Variants in BTRC observed in about 807,000 individuals in gnomAD.
The protein encoded by BTRC is beta-transducin repeat containing E3 ubiquitin protein ligase.
BTRC carries 42 observed loss-of-function variants against 85.5 expected under a neutral mutation model. The ratio of observed to expected loss-of-function variants is 0.49; its 90% CI spans 0.38 to 0.64. The LOEUF is 0.64. Among genes scored for constraint, BTRC ranks in the 30% least tolerant of loss-of-function variants. The pLI, the probability that BTRC is intolerant of heterozygous loss-of-function variation, is 0.00. For missense variants in BTRC, 594 were observed against 743.5 expected, an observed-to-expected ratio of 0.80 and a Z score of 2.34; for synonymous variants, 255 against 263.3, an observed-to-expected ratio of 0.97 and a Z score of 0.30.
At chr10:101,361,752 A>G (rs1942213443) in intron 1 of BTRC, among the ~76,000 whole-genome samples, 1 of 152,206 alleles carries the variant, frequency 6.6e-6, no homozygotes, top group African/African-American at 2.4e-5. Context: ...ATAACATTGT[A>G]CAGAAGACTC....
Position 101,358,525 on chromosome 10 carries a change from TAAATG to T in BTRC, c.48+4301_48+4305del, listed in dbSNP as rs543592551. ...TTGTTTTATTTATAGAGCTGATAGA[TAAATG>T]AAACAGTATAAAGGGTAAATATTTG... On this transcript the variant is annotated intron_variant, in intron 1 of 14. Coordinates refer to ENST00000370187, the MANE Select transcript of BTRC (RefSeq NM_033637.4). 3.6e-4 allele frequency among the ~76,000 whole-genome samples: 55 copies of T among 152,336 alleles called. 1 individual carries two copies. Among genetic ancestry groups the T allele is most frequent in the Admixed American group, 1.2e-3 (19 of 15,298 alleles).
chr10:101,492,533 T>C (rs1946159651), intron 4 of BTRC, among the ~76,000 whole-genome samples: 1 of 152,208 alleles, frequency 6.6e-6, no homozygotes, highest in Non-Finnish European at 1.5e-5. Flanking sequence ...TCTGACATTT[T>C]AATTACGGAA....
chr10:101,461,989 A>T lies in BTRC; in HGVS notation c.165A>T (p.Ser55=). The T allele has an allele frequency of 6.2e-7, 1 of 1,609,474 alleles. No individual in the cohort carries two copies. The highest frequency in any genetic ancestry group is 1.3e-5 in the African/African-American group (1 of 74,924). Reference sequence around the variant, plus strand: ...CTTACTTTCTTTCACAGAATTCCTCAGAGAGAGAAGACTGTAATAATGGCG... The same window carrying T: ...CTTACTTTCTTTCACAGAATTCCTCTGAGAGAGAAGACTGTAATAATGGCG... ...TGALTAFQNS[S]EREDCNNGEP... is the part of the protein sequence containing the mutation. Residue 55 remains serine (S), a synonymous_variant, in exon 3 of 15, where the codon TCA becomes TCT. Coordinates refer to ENST00000370187, the MANE Select transcript of BTRC (RefSeq NM_033637.4).
At chr10:101,538,409 G>T (rs779904962) in intron 13 of BTRC, 38 bp downstream of exon 13, 8 of 1,546,806 alleles carry the variant, frequency 5.2e-6, no homozygotes, top group Middle Eastern at 1.7e-4. Context: ...TGGAGAGCAG[G>T]TGGGGGAAGA....
At chr10:101,404,780 C>T (rs971268128) in intron 1 of BTRC, among the ~76,000 whole-genome samples, 9 of 151,988 alleles carry the variant, frequency 5.9e-5, no homozygotes, top group Admixed American at 1.3e-4. Flanking sequence ...GGGCGGATCA[C>T]GAGGTCAGGA....
Position 101,398,341 on chromosome 10 carries a change from C to G in BTRC, c.49-32004C>G, listed in dbSNP as rs1225553798. 5.3e-5 allele frequency among the ~76,000 whole-genome samples: 8 copies of G among 152,044 alleles called. No homozygotes were observed. The East Asian group carries it at 7.7e-4, about 15-fold the overall frequency. On this transcript the variant is annotated intron_variant, in intron 1 of 14. Coordinates refer to ENST00000370187, the MANE Select transcript of BTRC (RefSeq NM_033637.4). ...TTTGTTTTTTTGAGACGGACTCTTG[C>G]TCTGTCGCTGGAGTACAGTGGCGCG...
chr10:101,422,429 C>CA lies in BTRC; in HGVS notation c.49-7915dup, dbSNP rs1243917554. On this transcript the variant is annotated intron_variant, in intron 1 of 14. Transcript: ENST00000370187. Reference sequence around the variant, plus strand: ...TCTTCCATTCTGTAGGTTGCCTGTTCACTCTGATGGTAGTTTCTTTTGCTG... The same window carrying CA: ...TCTTCCATTCTGTAGGTTGCCTGTTCAACTCTGATGGTAGTTTCTTTTGCTG... Among the ~76,000 whole-genome samples the CA allele has an allele frequency of 1.6e-4, 24 of 152,264 alleles. 1 individual carries two copies. In the East Asian group the frequency reaches 4.6e-3, roughly 29 times the overall value.
At chr10:101,366,225 A>G (rs971467100) in intron 1 of BTRC, among the ~76,000 whole-genome samples, 2 of 152,152 alleles carry the variant, frequency 1.3e-5, no homozygotes, top group African/African-American at 4.8e-5. Context: ...GTGGGTTGAC[A>G]AAGAGAGGTC....
chr10:101,397,945 C>T (rs909633740), intron 1 of BTRC, among the ~76,000 whole-genome samples: 4 of 152,166 alleles, frequency 2.6e-5, no homozygotes, highest in African/African-American at 7.2e-5. Flanking sequence ...TTTAAAAATG[C>T]CATTATTTCC....
chr10:101,428,385 A>G (rs1944315219), intron 1 of BTRC, among the ~76,000 whole-genome samples: 1 of 152,172 alleles, frequency 6.6e-6, no homozygotes, highest in South Asian at 2.1e-4. Flanking sequence ...GAAGACAATT[A>G]TTTTTCTATT....
chr10:101,392,486 T>A (rs1413889834), intron 1 of BTRC, among the ~76,000 whole-genome samples: 2 of 152,056 alleles, frequency 1.3e-5, no homozygotes, highest in African/African-American at 4.8e-5. Flanking sequence ...AATTGAAAGT[T>A]TTTTGTTGTT....
chr10:101,516,045 C>G (rs2062019534), intron 4 of BTRC, among the ~76,000 whole-genome samples: 1 of 151,778 alleles, frequency 6.6e-6, no homozygotes, highest in East Asian at 1.9e-4. Flanking sequence ...TAGTTGAGTA[C>G]ATTTAAGATT....
intron 2 of BTRC, among the ~76,000 whole-genome samples, chr10:101,434,994 C>G (rs955531376): frequency 1.3e-5 from 2 of 151,764 alleles, no homozygotes; most frequent in African/African-American, 2.4e-5. Flanking sequence ...TGGTTTTACC[C>G]TATCAATTCA....
intron 1 of BTRC, among the ~76,000 whole-genome samples, chr10:101,398,783 A>G (rs1292129793): frequency 1.3e-5 from 2 of 152,162 alleles, no homozygotes; most frequent in Non-Finnish European, 2.9e-5. Context: ...AATATTGACC[A>G]TAGGAACAGT....
At chr10:101,544,967 C>A (rs998492174) in intron 13 of BTRC, among the ~76,000 whole-genome samples, 1 of 151,142 alleles carries the variant, frequency 6.6e-6, no homozygotes, top group African/African-American at 2.4e-5. Context: ...GTGTGAGGAT[C>A]ATATGAGTCC....
chr10:101,446,101 TC>T (rs554853772), intron 2 of BTRC, among the ~76,000 whole-genome samples: 3 of 131,646 alleles, frequency 2.3e-5, no homozygotes, highest in Admixed American at 1.6e-4. Context: ...TTTGTTCTCT[TC>T]CCCCCCCACC....
intron 13 of BTRC, among the ~76,000 whole-genome samples, chr10:101,542,423 A>AT (rs1490738595): frequency 2.0e-5 from 3 of 152,198 alleles, no homozygotes; most frequent in Admixed American, 1.3e-4. Context: ...AAAAATGTCA[A>AT]TTAAGTCAAG....
intron 4 of BTRC, among the ~76,000 whole-genome samples, chr10:101,483,189 T>G (rs180831657): frequency 2.7e-4 from 41 of 152,332 alleles, no homozygotes; most frequent in Admixed American, 1.4e-3. Context: ...GGGTACCAAT[T>G]AGTCCTCTGT....
In BTRC at chr10:101,534,771, G is replaced by A. The variant is rs769215394; in HGVS notation, c.1208G>A (p.Arg403His). 3 of 1,614,122 alleles carry A rather than the reference G, an allele frequency of 1.9e-6. No homozygotes were observed. Among genetic ancestry groups the A allele is most frequent in the Admixed American group, 3.3e-5 (2 of 60,016 alleles). The change falls in exon 10 of 15, where the codon CGT becomes CAT. Residue 403 changes from arginine (R) to histidine (H), a missense_variant. Physicochemically the swap from Arg to His is conservative, Grantham distance 29 (BLOSUM62 0). Around this residue, in one of 4 missense-constraint regions of BTRC, gnomAD observed 373 missense variants for 503.6 expected, o/e 0.74. Transcript: ENST00000370187. Reference sequence around the variant, plus strand: ...ATGATGGTGACCTGCTCCAAAGATCGTTCCATTGCTGTATGGGATATGGCC... The same window carrying A: ...ATGATGGTGACCTGCTCCAAAGATCATTCCATTGCTGTATGGGATATGGCC... The part of the protein sequence containing the change: ...NGMMVTCSKD[R>H]SIAVWDMASP...
Sources: allele counts gnomAD v4.1 joint callset (sites outside exome capture counted in the v4.1 genomes callset), GRCh38; gene constraint gnomAD v4.1.1; regional missense constraint gnomAD v4.1.1; transcripts MANE v1.5; gene names NCBI Gene and HGNC (gene_info 2026-07-23, HGNC 2026-07-21).